ZNF292: variants seen among roughly 807,000 people sequenced by gnomAD.
ZNF292 encodes the protein 16 zinc-finger domain protein.
Under a neutral mutation model 217.9 loss-of-function variants are expected in ZNF292, and 26 were observed. The observed-to-expected ratio is 0.12, with a 90% CI of 0.09 to 0.17. The LOEUF is 0.17. Among genes scored for constraint, ZNF292 ranks in the 10% least tolerant of loss-of-function variants. The probability of loss-of-function intolerance (pLI) is 1.00; values close to 1 mark genes in which losing one functional copy is unlikely to be tolerated. For synonymous variants in ZNF292, 1,257 were observed against 1,124.1 expected (o/e 1.12, Z -2.37); for missense variants, 2,904 against 3,175.2 (o/e 0.91, Z 2.05).
intron 1 of ZNF292, among the ~76,000 whole-genome samples, chr6:87,194,393 A>G (rs1771900885): frequency 6.6e-6 from 1 of 152,176 alleles, no homozygotes. Context: ...TGAAGCAGAA[A>G]TAAATAGAAT....
At chr6:87,233,276 A>G (rs766271244) in intron 4 of ZNF292, 49 bp from the exon 5 acceptor site, 2 of 1,370,508 alleles carry the variant, frequency 1.5e-6, no homozygotes, top group Non-Finnish European at 2.0e-6. Flanking sequence ...GGTATTGCAA[A>G]TGAATTATTA....
At position 87,260,054 on chromosome 6, in the gene ZNF292, A is replaced by G; in HGVS notation, c.6425A>G (p.Asp2142Gly). 1 of 1,613,620 alleles carries G rather than the reference A, an allele frequency of 6.2e-7. No homozygotes were observed. Among genetic ancestry groups the G allele is most frequent in the Non-Finnish European group, 8.5e-7 (1 of 1,179,656 alleles). ...ILHYQAVHKS[D>G]LPAFSAEVEE... ...CATTACCAGGCTGTACACAAATCAGATCTACCTGCATTTTCAGCAGAGGTC... is the reference window on the plus strand; with the variant it reads ...CATTACCAGGCTGTACACAAATCAGGTCTACCTGCATTTTCAGCAGAGGTC... The change falls in exon 8 of 8, where the codon GAT (aspartate) becomes GGT (glycine). Residue 2142 changes from aspartate (D) to glycine (G), a missense_variant. Physicochemically the swap from Asp to Gly is moderately conservative, Grantham distance 94. Coordinates refer to ENST00000369577, the MANE Select transcript of ZNF292 (RefSeq NM_015021.3).
chr6:87,208,166 C>G (rs916292330), intron 1 of ZNF292, among the ~76,000 whole-genome samples: 1 of 152,090 alleles, frequency 6.6e-6, no homozygotes, highest in Non-Finnish European at 1.5e-5. Context: ...TGCCTCTTCC[C>G]CCACCAATCT....
At chr6:87,189,453 AT>A (rs892933235) in intron 1 of ZNF292, among the ~76,000 whole-genome samples, 13 of 150,644 alleles carry the variant, frequency 8.6e-5, no homozygotes, top group Admixed American at 2.6e-4. Context: ...GTTTTTCTTA[AT>A]TTTTTTTTCT....
chr6:87,155,624 G>C lies in ZNF292; in HGVS notation c.33G>C (p.Leu11Phe). MADEEAEQERLSCGEGGCVAE... is the reference protein window; with the variant it reads MADEEAEQERFSCGEGGCVAE... ...ACGAAGAGGCCGAGCAGGAGAGGTT[G>C]AGTTGCGGCGAAGGCGGCTGCGTCG... Residue 11 changes from leucine to phenylalanine, a missense_variant, in exon 1 of 8, where the codon TTG becomes TTC. Physicochemically the swap from Leu to Phe is conservative, Grantham distance 22. Around this residue, in one of 15 missense-constraint regions of ZNF292, gnomAD observed 66 missense variants for 44.1 expected, o/e 1.50. Coordinates refer to ENST00000369577, the MANE Select transcript of ZNF292 (RefSeq NM_015021.3). The C allele has an allele frequency of 6.3e-7, 1 of 1,583,478 alleles. No homozygotes were observed. Among genetic ancestry groups the C allele is most frequent in the Non-Finnish European group, 8.6e-7 (1 of 1,166,094 alleles).
At chr6:87,174,875 T>A (rs1007136402) in intron 1 of ZNF292, among the ~76,000 whole-genome samples, 1 of 152,208 alleles carries the variant, frequency 6.6e-6, no homozygotes, top group African/African-American at 2.4e-5. Context: ...AGTGCTAATG[T>A]TTCTAAAAAT....
At position 87,263,763 on chromosome 6, in the gene ZNF292, CAACTG is replaced by C. The variant is rs1425118721; in HGVS notation, c.*1965_*1969del. On this transcript the variant is annotated 3_prime_UTR_variant, in exon 8 of 8. Coordinates refer to ENST00000369577, the MANE Select transcript of ZNF292 (RefSeq NM_015021.3). ...AATTTTAATATTAAATTTTTGTTAA[CAACTG>C]AATGTTTCCATACAGTTTTCTTAGA... The C allele has an allele frequency of 1.3e-5, 2 of 151,970 alleles. No homozygotes were observed. The highest frequency in any genetic ancestry group is 2.9e-5 in the Non-Finnish European group (2 of 67,962). 9.4% of individuals were successfully genotyped at this position (151,970 alleles called of 1,614,324 possible).
chr6:87,216,400 T>A, intron 3 of ZNF292, 23 bp downstream of exon 3: 1 of 1,502,152 alleles, frequency 6.7e-7, no homozygotes, highest in Non-Finnish European at 9.1e-7. Flanking sequence ...ATCTTTAGAT[T>A]TAATACAGGT....
Position 87,257,701 on chromosome 6 carries a change from C to A in ZNF292, c.4072C>A (p.Pro1358Thr). The A allele has an allele frequency of 6.2e-7, 1 of 1,612,990 alleles. No individual in the cohort carries two copies. The highest frequency in any genetic ancestry group is 8.5e-7 in the Non-Finnish European group (1 of 1,179,456). The change falls in exon 8 of 8, where the codon CCT becomes ACT. Residue 1358 changes from proline to threonine, a missense_variant. Physicochemically the swap from Pro to Thr is conservative, Grantham distance 38 (BLOSUM62 -1). Around this residue, in one of 15 missense-constraint regions of ZNF292, gnomAD observed 687 missense variants for 623.0 expected, o/e 1.10. Transcript: ENST00000369577. Reference protein sequence around the residue: ...GRGPNGKERKPKHNKRAKWPA... With the variant: ...GRGPNGKERKTKHNKRAKWPA... ...GGGCCCAAATGGGAAGGAAAGAAAACCTAAGCACAACAAAAGGGCTAAATG... is the reference window on the plus strand; with the variant it reads ...GGGCCCAAATGGGAAGGAAAGAAAAACTAAGCACAACAAAAGGGCTAAATG...
intron 1 of ZNF292, among the ~76,000 whole-genome samples, chr6:87,186,273 A>T (rs910133984): frequency 2.0e-5 from 3 of 152,256 alleles, no homozygotes; most frequent in African/African-American, 7.2e-5. Context: ...AGTATTTTTT[A>T]AATTCACAGT....
intron 5 of ZNF292, among the ~76,000 whole-genome samples, chr6:87,240,539 C>T (rs1234396637): frequency 6.6e-6 from 1 of 152,196 alleles, no homozygotes; most frequent in Non-Finnish European, 1.5e-5. Context: ...TCTCCTGCCT[C>T]AGCTTCCAAG....
At chr6:87,235,012 G>T (rs1773833347) in intron 5 of ZNF292, among the ~76,000 whole-genome samples, 1 of 152,176 alleles carries the variant, frequency 6.6e-6, no homozygotes, top group Admixed American at 6.5e-5. Flanking sequence ...GCTAGATGGA[G>T]TGGAACCATG....
Position 87,256,377 on chromosome 6 carries a change from A to G in ZNF292, c.2748A>G (p.Pro916=), listed in dbSNP as rs745334064. ...CTGAGCTCAGGCAAGCTAATGGACC[A>G]TTGTCAAATGGTTTGGAAAACCCTG... ...SASELRQANG[P]LSNGLENPAT... is the part of the protein sequence containing the mutation. Residue 916 remains proline, a synonymous_variant, in exon 8 of 8, where the codon CCA becomes CCG. Transcript: ENST00000369577. 1 of 1,609,784 alleles carries G rather than the reference A, an allele frequency of 6.2e-7. No individual in the cohort carries two copies. Among genetic ancestry groups the G allele is most frequent in the Non-Finnish European group, 8.5e-7 (1 of 1,179,822 alleles).
At chr6:87,235,270 G>A (rs980229847) in intron 5 of ZNF292, among the ~76,000 whole-genome samples, 6 of 151,952 alleles carry the variant, frequency 3.9e-5, no homozygotes, top group African/African-American at 7.3e-5. Flanking sequence ...ATTAGTTATT[G>A]TGCTGCTGCT....
At chr6:87,228,763 T>C (rs1462950310) in intron 4 of ZNF292, among the ~76,000 whole-genome samples, 5 of 152,200 alleles carry the variant, frequency 3.3e-5, no homozygotes, top group Non-Finnish European at 7.4e-5. Context: ...ATTTCTGGAC[T>C]CTTTTCTATT....
In ZNF292 at chr6:87,258,367, G is replaced by A. The variant is rs181198645; in HGVS notation, c.4738G>A (p.Val1580Ile). 8.0e-5 allele frequency: 129 copies of A among 1,613,640 alleles called. No homozygotes were observed. In the African/African-American group the frequency reaches 1.7e-3, roughly 21 times the overall value. Residue 1580 changes from valine to isoleucine, a missense_variant, in exon 8 of 8, where the codon GTT becomes ATT. This residue lies in a region of ZNF292 where 622 missense variants were observed against 573.1 expected (regional missense o/e 1.09). Coordinates refer to ENST00000369577, the MANE Select transcript of ZNF292 (RefSeq NM_015021.3). ...FPTNDLLLKT[V>I]ENGLCSSSFP... ...AACGAATGACTTACTACTGAAGACT[G>A]TTGAAAATGGTTTGTGCTCTAGTTC...
At chr6:87,195,950 C>G (rs1771942680) in intron 1 of ZNF292, among the ~76,000 whole-genome samples, 1 of 151,684 alleles carries the variant, frequency 6.6e-6, no homozygotes, top group Non-Finnish European at 1.5e-5. Flanking sequence ...ATCACTTGAA[C>G]CCAGGAGGTG....
chr6:87,216,131 AC>A (rs1562146952), intron 2 of ZNF292, 74 bp downstream of exon 2: 43 of 899,826 alleles, frequency 4.8e-5, no homozygotes, highest in Non-Finnish European at 6.2e-5. Flanking sequence ...ACACACACAC[AC>A]ACACACACAC....
intron 1 of ZNF292, among the ~76,000 whole-genome samples, chr6:87,189,172 T>C (rs1193080163): frequency 1.3e-5 from 2 of 152,066 alleles, no homozygotes; most frequent in African/African-American, 4.8e-5. Flanking sequence ...ACCACTGCAC[T>C]TCAGCCTGGG....
Sources: allele counts gnomAD v4.1 joint callset (sites outside exome capture counted in the v4.1 genomes callset), GRCh38; gene constraint gnomAD v4.1.1; regional missense constraint gnomAD v4.1.1; transcripts MANE v1.5; gene names NCBI Gene and HGNC (gene_info 2026-07-23, HGNC 2026-07-21).